The following LRRTM4 variants were observed in gnomAD, a reference collection of about 807,000 sequenced individuals.
LRRTM4 encodes leucine rich repeat transmembrane neuronal 4.
In LRRTM4, 25 loss-of-function variants were observed where a neutral mutation model predicts 47.6. The observed-to-expected ratio is 0.53, with a 90% CI of 0.38 to 0.73. LRRTM4 has a LOEUF of 0.73. Ranked by LOEUF, LRRTM4 falls within the 30% of genes least tolerant of loss-of-function variation. The probability of loss-of-function intolerance (pLI) is 0.00; values close to 1 mark genes in which losing one functional copy is unlikely to be tolerated. For synonymous variants in LRRTM4, 311 were observed against 269.5 expected (o/e 1.15, Z -1.51); for missense variants, 638 against 713.4 (o/e 0.89, Z 1.20).
At chr2:77,066,578 G>C (rs1025255619) in intron 3 of LRRTM4, among the ~76,000 whole-genome samples, 3 of 152,150 alleles carry the variant, frequency 2.0e-5, no homozygotes, top group African/African-American at 7.2e-5. Context: ...TTATTGGAGA[G>C]CATCTACTAT....
At chr2:76,984,845 A>G (rs1019695217) in intron 3 of LRRTM4, among the ~76,000 whole-genome samples, 3 of 152,062 alleles carry the variant, frequency 2.0e-5, no homozygotes, top group Non-Finnish European at 2.9e-5. Flanking sequence ...CACTCAAGTT[A>G]ACATGATGAA....
intron 3 of LRRTM4, among the ~76,000 whole-genome samples, chr2:77,298,182 G>A (rs1210562808): frequency 6.6e-6 from 1 of 152,176 alleles, no homozygotes; most frequent in Admixed American, 6.5e-5. Context: ...TTCTAATAAA[G>A]TCAGACAAGT....
chr2:76,892,954 G>A (rs1246221533), intron 3 of LRRTM4, among the ~76,000 whole-genome samples: 1 of 150,814 alleles, frequency 6.6e-6, no homozygotes. Flanking sequence ...TACTAATGGA[G>A]TCAAAATCCC....
At chr2:77,382,705 C>A (rs1036716368) in intron 3 of LRRTM4, among the ~76,000 whole-genome samples, 1 of 152,028 alleles carries the variant, frequency 6.6e-6, no homozygotes, top group Non-Finnish European at 1.5e-5. Context: ...GGAAATCATG[C>A]CTCTGCTGAA....
intron 3 of LRRTM4, among the ~76,000 whole-genome samples, chr2:76,837,651 G>A (rs1427220491): frequency 6.6e-6 from 1 of 152,088 alleles, no homozygotes; most frequent in East Asian, 1.9e-4. Context: ...GTTTATTGCA[G>A]CACTATTCAC....
At chr2:76,830,515 C>CATGT (rs143502377) in intron 3 of LRRTM4, among the ~76,000 whole-genome samples, 1 of 143,988 alleles carries the variant, frequency 6.9e-6, no homozygotes, top group South Asian at 2.2e-4. Flanking sequence ...GCAGTGTGTG[C>CATGT]GTGTGTGTGT....
At chr2:76,796,722 AG>A (rs924913388) in intron 3 of LRRTM4, among the ~76,000 whole-genome samples, 35 of 149,432 alleles carry the variant, frequency 2.3e-4, no homozygotes, top group African/African-American at 7.5e-4. Flanking sequence ...AAAACAGAAC[AG>A]AAAAACTGGA....
At chr2:77,240,861 A>G (rs1573125699) in intron 3 of LRRTM4, among the ~76,000 whole-genome samples, 1 of 151,996 alleles carries the variant, frequency 6.6e-6, no homozygotes, top group African/African-American at 2.4e-5. Flanking sequence ...ATGTGTACAA[A>G]ATCTGTATGC....
chr2:77,011,531 TTGTGTGTGTGTGTGTGTGTG>T lies in LRRTM4; in HGVS notation c.1552-262635_1552-262616del, dbSNP rs56982328. Among the ~76,000 whole-genome samples the T allele has an allele frequency of 2.5e-3, 358 of 144,146 alleles. 3 individuals carry two copies. The highest frequency in any genetic ancestry group is 8.7e-3 in the African/African-American group (334 of 38,612). The allele number at this position is 144,146 out of a possible 152,430, so 94.6% of individuals were successfully genotyped here. A position where few individuals can be genotyped will look rare whatever the true frequency, so the allele number is the denominator to read the frequency against. ...CAGACTGGCAACTAGGAAGAAGCAT[TTGTGTGTGTGTGTGTGTGTG>T]TGTGTGTGTGTGTGTGTGTGTGTGT... On this transcript the variant is annotated intron_variant, in intron 3 of 3. Transcript: ENST00000409884.
At chr2:77,407,677 A>G (rs934635489) in intron 3 of LRRTM4, among the ~76,000 whole-genome samples, 1 of 122,632 alleles carries the variant, frequency 8.2e-6, no homozygotes, top group African/African-American at 3.4e-5. Context: ...ATAATTATAT[A>G]ATATTTAATA....
intron 3 of LRRTM4, among the ~76,000 whole-genome samples, chr2:77,051,446 T>A: frequency 6.6e-6 from 1 of 152,118 alleles, no homozygotes; most frequent in South Asian, 2.1e-4. Flanking sequence ...AATTAAGCGC[T>A]CTTCTCTGGT....
chr2:77,145,256 A>G (rs1474673572), intron 3 of LRRTM4, among the ~76,000 whole-genome samples: 6 of 151,028 alleles, frequency 4.0e-5, no homozygotes, highest in African/African-American at 7.3e-5. Flanking sequence ...CTATATGTGT[A>G]TATATATATA....
At chr2:77,491,441 C>A (rs1678158116) in intron 3 of LRRTM4, among the ~76,000 whole-genome samples, 1 of 151,798 alleles carries the variant, frequency 6.6e-6, no homozygotes, top group African/African-American at 2.4e-5. Context: ...CATCACATTC[C>A]AAACAATATC....
chr2:77,184,119 A>G (rs569905429), intron 3 of LRRTM4, among the ~76,000 whole-genome samples: 1 of 152,146 alleles, frequency 6.6e-6, no homozygotes, highest in Non-Finnish European at 1.5e-5. Flanking sequence ...TGTAGAAAAA[A>G]TAATCAGAAT....
intron 3 of LRRTM4, among the ~76,000 whole-genome samples, chr2:77,498,841 A>G (rs1678461682): frequency 6.6e-6 from 1 of 151,874 alleles, no homozygotes; most frequent in African/African-American, 2.4e-5. Context: ...CATCCATGTC[A>G]TCAACAAAAT....
chr2:77,402,350 T>C (rs962315657), intron 3 of LRRTM4, among the ~76,000 whole-genome samples: 6 of 151,906 alleles, frequency 3.9e-5, no homozygotes, highest in Admixed American at 3.3e-4. Flanking sequence ...GGTTTCATTA[T>C]GTTGCCCAGG....
chr2:77,315,849 G>T (rs1387686760), intron 3 of LRRTM4, among the ~76,000 whole-genome samples: 1 of 152,170 alleles, frequency 6.6e-6, no homozygotes, highest in Non-Finnish European at 1.5e-5. Flanking sequence ...CTATGAGAGG[G>T]TAGAAGCCAA....
In LRRTM4 at chr2:77,382,112, T is replaced by C. The variant is rs562508558; in HGVS notation, c.1551+136206A>G. Among the ~76,000 whole-genome samples, 839 of 152,168 alleles carry C rather than the reference T, an allele frequency of 5.5e-3. 8 individuals carry two copies. Among genetic ancestry groups the C allele is most frequent in the African/African-American group, 0.019 (810 of 41,548 alleles). ...TTTGTTCTTGTCTTCTAAACTATGG[T>C]CAAGGCTCAAGTATCTAGGCTTATT... On this transcript the variant is annotated intron_variant, in intron 3 of 3. Coordinates refer to ENST00000409884, the MANE Select transcript of LRRTM4 (RefSeq NM_001134745.3).
intron 3 of LRRTM4, chr2:77,009,130 T>C: frequency 6.6e-6 from 1 of 152,138 alleles, no homozygotes; most frequent in Non-Finnish European, 1.5e-5. Flanking sequence ...AAAATCACTC[T>C]GGCACTAAAC....
Sources: allele counts gnomAD v4.1 joint callset (sites outside exome capture counted in the v4.1 genomes callset), GRCh38; gene constraint gnomAD v4.1.1; transcripts MANE v1.5; gene names NCBI Gene and HGNC (gene_info 2026-07-23, HGNC 2026-07-21).